CCBE1: variants seen among roughly 807,000 people sequenced by gnomAD.
CCBE1 encodes collagen and calcium-binding EGF domain-containing protein 1.
CCBE1 carries 37 observed loss-of-function variants against 50.0 expected under a neutral mutation model. The observed-to-expected ratio is 0.74, with a 90% CI of 0.57 to 0.97. The LOEUF (loss-of-function observed/expected upper bound fraction) is 0.97, where lower values mean the gene tolerates loss of function less well. Ranked by LOEUF, CCBE1 falls within the 50% of genes least tolerant of loss-of-function variation. The pLI is 0.00. For synonymous variants in CCBE1, 234 were observed against 203.7 expected (o/e 1.15, Z -1.27); for missense variants, 538 against 523.8 (o/e 1.03, Z -0.26).
chr18:59,552,232 A>G (rs1599006246), intron 2 of CCBE1, among the ~76,000 whole-genome samples: 1 of 152,210 alleles, frequency 6.6e-6, no homozygotes, highest in Admixed American at 6.5e-5. Flanking sequence ...CTTCGGGCAC[A>G]TTCTACCAGT....
chr18:59,547,100 AG>A (rs1599000398), intron 2 of CCBE1, among the ~76,000 whole-genome samples: 1 of 110,794 alleles, frequency 9.0e-6, no homozygotes, highest in African/African-American at 3.4e-5. Flanking sequence ...AGAGGGAGGT[AG>A]GGAGAGGGAG....
chr18:59,574,673 T>A (rs192211581), intron 2 of CCBE1, among the ~76,000 whole-genome samples: 3 of 152,202 alleles, frequency 2.0e-5, no homozygotes, highest in African/African-American at 7.2e-5. Context: ...TTTGCAGGGA[T>A]ATTCTCTGTT....
chr18:59,668,080 A>G (rs1351319365), intron 2 of CCBE1, among the ~76,000 whole-genome samples: 1 of 152,132 alleles, frequency 6.6e-6, no homozygotes, highest in Non-Finnish European at 1.5e-5. Context: ...TACCTATGTA[A>G]CAAACCTGCA....
intron 2 of CCBE1, among the ~76,000 whole-genome samples, chr18:59,619,352 G>A (rs1461164658): frequency 1.3e-5 from 2 of 152,014 alleles, no homozygotes; most frequent in South Asian, 2.1e-4. Flanking sequence ...ATATTGCCCA[G>A]GCTGGAGCAC....
At chr18:59,473,312 T>C (rs1403985225) in intron 3 of CCBE1, among the ~76,000 whole-genome samples, 2 of 152,200 alleles carry the variant, frequency 1.3e-5, no homozygotes, top group African/African-American at 4.8e-5. Context: ...CTTCCAGCTT[T>C]TCAATGCTGC....
chr18:59,641,041 G>A (rs1282434380), intron 2 of CCBE1, among the ~76,000 whole-genome samples: 1 of 152,200 alleles, frequency 6.6e-6, no homozygotes. Flanking sequence ...ATGTAAATTA[G>A]TTCAGCCATT....
At chr18:59,576,300 C>T (rs983196703) in intron 2 of CCBE1, among the ~76,000 whole-genome samples, 1 of 152,164 alleles carries the variant, frequency 6.6e-6, no homozygotes, top group African/African-American at 2.4e-5. Flanking sequence ...AACAGAGCTG[C>T]CAGGTCACTT....
intron 2 of CCBE1, among the ~76,000 whole-genome samples, chr18:59,587,698 T>C (rs2053197596): frequency 6.6e-6 from 1 of 152,178 alleles, no homozygotes; most frequent in Admixed American, 6.5e-5. Context: ...TCTGAAAGTC[T>C]CAGCTACTGA....
At chr18:59,613,958 C>A (rs1193203409) in intron 2 of CCBE1, among the ~76,000 whole-genome samples, 1 of 145,338 alleles carries the variant, frequency 6.9e-6, no homozygotes, top group African/African-American at 2.5e-5. Context: ...CACTGCAACT[C>A]TGCCTCCCTG....
chr18:59,645,903 T>C lies in CCBE1; in HGVS notation c.212+50726A>G, dbSNP rs879307726. On this transcript the variant is annotated intron_variant, in intron 2 of 10. Coordinates refer to ENST00000439986, the MANE Select transcript of CCBE1 (RefSeq NM_133459.4). ...AAAAATAGCCGGGTGTGGTGGCGGG[T>C]GCCTGTAGTCCCAGTGACTTGGGAG... 9.9e-5 allele frequency among the ~76,000 whole-genome samples: 15 copies of C among 152,024 alleles called. No homozygotes were observed. In the East Asian group the frequency reaches 1.2e-3, roughly 12 times the overall value.
intron 2 of CCBE1, among the ~76,000 whole-genome samples, chr18:59,591,847 G>A (rs1205028510): frequency 6.6e-6 from 1 of 152,172 alleles, no homozygotes; most frequent in African/African-American, 2.4e-5. Flanking sequence ...TGTGCACAAG[G>A]CTATTAATTT....
At chr18:59,458,557 C>T (rs181922377) in intron 5 of CCBE1, among the ~76,000 whole-genome samples, 527 of 152,302 alleles carry the variant, frequency 3.5e-3, no homozygotes, top group Non-Finnish European at 5.3e-3. Context: ...AATGTTAGAA[C>T]GTATCTTTAG....
intron 2 of CCBE1, among the ~76,000 whole-genome samples, chr18:59,569,548 T>C (rs774360048): frequency 4.6e-5 from 7 of 151,292 alleles, no homozygotes; most frequent in Non-Finnish European, 8.8e-5. Flanking sequence ...TAAATTAGAG[T>C]CAAAATGAGG....
chr18:59,554,475 T>C (rs551986805), intron 2 of CCBE1, among the ~76,000 whole-genome samples: 10 of 152,160 alleles, frequency 6.6e-5, no homozygotes, highest in Non-Finnish European at 1.2e-4. Flanking sequence ...ACAGACAAGG[T>C]GTTTCTTGAT....
intron 2 of CCBE1, among the ~76,000 whole-genome samples, chr18:59,607,100 G>A (rs148633933): frequency 1.2e-4 from 18 of 149,842 alleles, no homozygotes; most frequent in Non-Finnish European, 2.1e-4. Flanking sequence ...CACTGCATCA[G>A]TCAGTCCAAT....
At chr18:59,546,458 G>A (rs941148654) in intron 2 of CCBE1, among the ~76,000 whole-genome samples, 1 of 152,186 alleles carries the variant, frequency 6.6e-6, no homozygotes, top group African/African-American at 2.4e-5. Context: ...GTACAGTGGG[G>A]TTTTTATCTT....
At chr18:59,490,802 A>G (rs1236536332) in intron 2 of CCBE1, among the ~76,000 whole-genome samples, 2 of 152,126 alleles carry the variant, frequency 1.3e-5, no homozygotes, top group African/African-American at 4.8e-5. Context: ...TACTTTTTTC[A>G]CCTAAAATTA....
At chr18:59,664,488 C>T (rs1406023119) in intron 2 of CCBE1, among the ~76,000 whole-genome samples, 2 of 152,140 alleles carry the variant, frequency 1.3e-5, no homozygotes, top group Non-Finnish European at 2.9e-5. Flanking sequence ...CTGAGCATGA[C>T]CCCACCTACT....
At chr18:59,497,921 G>A (rs1440612205) in intron 2 of CCBE1, among the ~76,000 whole-genome samples, 2 of 152,212 alleles carry the variant, frequency 1.3e-5, no homozygotes, top group African/African-American at 2.4e-5. Flanking sequence ...TACAAATCCT[G>A]TCCAGGGCTC....
Sources: allele counts gnomAD v4.1 joint callset (sites outside exome capture counted in the v4.1 genomes callset), GRCh38; gene constraint gnomAD v4.1.1; transcripts MANE v1.5; gene names NCBI Gene and HGNC (gene_info 2026-07-23, HGNC 2026-07-21).